The following PAK3 variants were observed in gnomAD, a reference collection of about 807,000 sequenced individuals.
The protein encoded by PAK3 is serine/threonine-protein kinase PAK 3.
In PAK3, 4 loss-of-function variants were observed where a neutral mutation model predicts 41.0. The ratio of observed to expected loss-of-function variants is 0.10; its 90% CI spans 0.05 to 0.22. The LOEUF (loss-of-function observed/expected upper bound fraction) is 0.22, where lower values mean the gene tolerates loss of function less well. PAK3 is among the 10% of genes least tolerant of loss of function. The pLI is 1.00. For missense variants in PAK3, 205 were observed against 409.9 expected (o/e 0.50, Z 4.32); for synonymous variants, 146 against 139.6 (o/e 1.05, Z -0.32).
At position 111,042,405 on chromosome X, in the gene PAK3, A is replaced by G. The variant is rs1358980211; in HGVS notation, c.-27-80672A>G. On this transcript the variant is annotated intron_variant, in intron 1 of 14. Transcript: ENST00000425146. Reference sequence around the variant, plus strand: ...TGTGTCATTTTTAGAGCCCAGTGAAAAACAGAAATGTGAGGCCTCTTGCTG... The same window carrying G: ...TGTGTCATTTTTAGAGCCCAGTGAAGAACAGAAATGTGAGGCCTCTTGCTG... Among the ~76,000 whole-genome samples the G allele has an allele frequency of 2.7e-5, 3 of 112,002 alleles. No individual in the cohort carries two copies. The East Asian group carries it at 8.4e-4, about 31-fold the overall frequency.
intron 1 of PAK3, among the ~76,000 whole-genome samples, chrX:111,007,613 A>C (rs1351337249): frequency 9.0e-6 from 1 of 111,506 alleles, no homozygotes; most frequent in Non-Finnish European, 1.9e-5. Flanking sequence ...TGTTGCTTCC[A>C]CTGTAAGTGG....
chrX:111,079,275 G>A (rs1428164373), intron 1 of PAK3, among the ~76,000 whole-genome samples: 2 of 112,057 alleles, frequency 1.8e-5, no homozygotes, highest in African/African-American at 6.5e-5. Context: ...TGGCTTCAAA[G>A]ATTCAAAGGA....
chrX:110,993,119 G>A (rs1245121841), intron 1 of PAK3, among the ~76,000 whole-genome samples: 1 of 111,685 alleles, frequency 9.0e-6, no homozygotes, highest in Non-Finnish European at 1.9e-5. Flanking sequence ...TATATTCTAG[G>A]ATCTAGAAAC....
At chrX:111,006,849 C>CTTTCTTTTTTTT (rs1556434441) in intron 1 of PAK3, among the ~76,000 whole-genome samples, 2 of 42,725 alleles carry the variant, frequency 4.7e-5, no homozygotes, top group African/African-American at 7.5e-5. Context: ...TTCTTTCTTT[C>CTTTCTTTTTTTT]TTTTTTTTTT....
At chrX:111,057,685 T>C (rs2092616561) in intron 1 of PAK3, among the ~76,000 whole-genome samples, 1 of 111,644 alleles carries the variant, frequency 9.0e-6, no homozygotes, top group African/African-American at 3.3e-5. Flanking sequence ...AATGGAGATA[T>C]TATTAACATA....
chrX:111,003,329 C>T (rs1016788013), intron 1 of PAK3, among the ~76,000 whole-genome samples: 8 of 111,538 alleles, frequency 7.2e-5, no homozygotes, highest in African/African-American at 2.0e-4. Flanking sequence ...CTCAGCAGTT[C>T]GCTAGAGACA....
chrX:111,211,492 A>G (rs2094818890), intron 16 of PAK3, among the ~76,000 whole-genome samples: 1 of 109,673 alleles, frequency 9.1e-6, no homozygotes, highest in South Asian at 4.1e-4. Context: ...CCTGGTCAAC[A>G]TGGTGAAACC....
chrX:111,103,329 G>T (rs1431923454), intron 4 of PAK3, 23 bp downstream of exon 4: 1 of 112,320 alleles, frequency 8.9e-6, no homozygotes, highest in African/African-American at 3.2e-5. Context: ...GTCCAGGGCA[G>T]GGAGTTAGGG....
chrX:111,153,057 T>C (rs1299243826), intron 8 of PAK3, among the ~76,000 whole-genome samples: 1 of 111,961 alleles, frequency 8.9e-6, no homozygotes, highest in Non-Finnish European at 1.9e-5. Context: ...AATGTTTCTG[T>C]TTCTCTTACA....
At chrX:110,988,518 C>T (rs776865208) in intron 1 of PAK3, among the ~76,000 whole-genome samples, 3 of 111,882 alleles carry the variant, frequency 2.7e-5, no homozygotes, top group Non-Finnish European at 5.6e-5. Flanking sequence ...TACATGCAAA[C>T]ATTTCATGAG....
At chrX:111,192,855 G>A (rs2094572842) in intron 13 of PAK3, among the ~76,000 whole-genome samples, 1 of 111,845 alleles carries the variant, frequency 8.9e-6, no homozygotes, top group African/African-American at 3.3e-5. Flanking sequence ...GAGAATCATA[G>A]CTCCATTTTG....
intron 1 of PAK3, chrX:110,944,740 C>T (rs1217582506): frequency 2.7e-5 from 3 of 112,311 alleles, no homozygotes; most frequent in African/African-American, 9.7e-5. Flanking sequence ...AGTTTTCAGT[C>T]TTGCTGTATG....
intron 11 of PAK3, among the ~76,000 whole-genome samples, chrX:111,178,980 T>TAGAG (rs1556239020): frequency 8.7e-5 from 8 of 91,595 alleles, no homozygotes; most frequent in East Asian, 3.4e-4. Context: ...TATATATATA[T>TAGAG]AGAGAGAGAG....
intron 1 of PAK3, among the ~76,000 whole-genome samples, chrX:111,086,643 A>C (rs772527872): frequency 1.8e-5 from 2 of 111,352 alleles, no homozygotes; most frequent in East Asian, 5.7e-4. Context: ...GCAAATTACC[A>C]TGAAAATCTG....
intron 17 of PAK3, among the ~76,000 whole-genome samples, chrX:111,219,190 A>AAAT (rs3062744): frequency 0.3 from 25,403 of 84,146 alleles, 3,608 homozygotes; most frequent in Non-Finnish European, 0.36. Context: ...AGTCCATCTC[A>AAAT]AATAATAATA....
At chrX:110,958,924 A>T (rs767890439) in intron 1 of PAK3, among the ~76,000 whole-genome samples, 9 of 111,913 alleles carry the variant, frequency 8.0e-5, no homozygotes, top group African/African-American at 2.9e-4. Flanking sequence ...GGCATGGGAC[A>T]TTACTCTGGA....
At chrX:111,012,173 G>C (rs1206360615) in intron 1 of PAK3, among the ~76,000 whole-genome samples, 1 of 111,497 alleles carries the variant, frequency 9.0e-6, no homozygotes, top group Non-Finnish European at 1.9e-5. Flanking sequence ...CTGGGTCAAA[G>C]GGTTTTAATT....
rs918983860 is a variant in PAK3, at chrX:111,222,263, A to G, written c.*1816A>G. 1 of 111,828 alleles carries G rather than the reference A, an allele frequency of 8.9e-6. No homozygotes were observed. The highest frequency in any genetic ancestry group is 1.9e-5 in the Non-Finnish European group (1 of 53,094). 9.2% of individuals were successfully genotyped at this position (111,828 alleles called of 1,213,427 possible). On this transcript the variant is annotated 3_prime_UTR_variant, in exon 18 of 18. Coordinates refer to ENST00000372007, the MANE Select transcript of PAK3 (RefSeq NM_002578.5). ...CATCCATCCATCTAACCATCCATAT[A>G]TCCACATCTTAAAATGAAAGCACTT...
At chrX:111,063,870 A>T (rs1312169646) in intron 1 of PAK3, among the ~76,000 whole-genome samples, 1 of 110,876 alleles carries the variant, frequency 9.0e-6, no homozygotes, top group Non-Finnish European at 1.9e-5. Flanking sequence ...AAGAAGCTCT[A>T]TATTCCTCAA....
Sources: allele counts gnomAD v4.1 joint callset (sites outside exome capture counted in the v4.1 genomes callset), GRCh38; gene constraint gnomAD v4.1.1; transcripts MANE v1.5; gene names NCBI Gene and HGNC (gene_info 2026-07-23, HGNC 2026-07-21).